The following ARHGAP18 variants were observed in gnomAD, a reference collection of about 807,000 sequenced individuals.
ARHGAP18 encodes Rho GTPase activating protein 18.
In ARHGAP18, 67 loss-of-function variants were observed where a neutral mutation model predicts 86.2. The observed-to-expected ratio is 0.78, with a 90% CI of 0.64 to 0.95. The LOEUF is 0.95. Ranked by LOEUF, ARHGAP18 falls within the 40% of genes least tolerant of loss-of-function variation. The probability of loss-of-function intolerance (pLI) is 0.00; values close to 1 mark genes in which losing one functional copy is unlikely to be tolerated. For synonymous variants in ARHGAP18, 283 were observed against 280.4 expected, an observed-to-expected ratio of 1.01 and a Z score of -0.09; for missense variants, 691 against 780.4, an observed-to-expected ratio of 0.89 and a Z score of 1.37.
At chr6:129,675,447 T>C (rs1358149238) in intron 1 of ARHGAP18, among the ~76,000 whole-genome samples, 1 of 151,322 alleles carries the variant, frequency 6.6e-6, no homozygotes, top group Non-Finnish European at 1.5e-5. Context: ...CTCACACTGA[T>C]GAGCTACATA....
chr6:129,634,237 G>T, intron 3 of ARHGAP18, 132 bp from the exon 4 acceptor site: 1 of 662,380 alleles, frequency 1.5e-6, no homozygotes, highest in South Asian at 2.6e-5. Context: ...CAGTGAAAAA[G>T]GGGCACTAAG....
intron 1 of ARHGAP18, among the ~76,000 whole-genome samples, chr6:129,686,982 T>C (rs1342467033): frequency 1.0e-4 from 7 of 67,606 alleles, no homozygotes; most frequent in African/African-American, 1.8e-4. Flanking sequence ...TTTTTTCTTT[T>C]TTTTTTTTTT....
chr6:129,640,986 T>C (rs4473880), intron 2 of ARHGAP18, among the ~76,000 whole-genome samples: 11,922 of 152,230 alleles, frequency 0.078, 498 homozygotes, highest in South Asian at 0.095. Flanking sequence ...TCAAATATTA[T>C]AGCAGAGAAT....
At chr6:129,625,333 A>ATTTATATATATTATATAT in intron 5 of ARHGAP18, among the ~76,000 whole-genome samples, 1 of 76,084 alleles carries the variant, frequency 1.3e-5, no homozygotes, top group African/African-American at 5.6e-5. Context: ...ATGATATATG[A>ATTTATATATATTATATAT]TATATATTTA....
At chr6:129,609,507 C>T (rs973689779) in intron 8 of ARHGAP18, among the ~76,000 whole-genome samples, 1 of 152,102 alleles carries the variant, frequency 6.6e-6, no homozygotes, top group Non-Finnish European at 1.5e-5. Context: ...CTAGTGAGGG[C>T]CCGAGTGCTT....
chr6:129,655,317 C>CAAAAAAAAA (rs55681217), intron 1 of ARHGAP18, among the ~76,000 whole-genome samples: 16 of 75,074 alleles, frequency 2.1e-4, no homozygotes, highest in East Asian at 3.6e-4. Context: ...AAAACTCTCT[C>CAAAAAAAAA]AAAAAAAAAA....
intron 1 of ARHGAP18, among the ~76,000 whole-genome samples, chr6:129,654,958 G>A (rs544654197): frequency 2.0e-5 from 3 of 152,266 alleles, no homozygotes; most frequent in Non-Finnish European, 2.9e-5. Flanking sequence ...AAAGAGAGGT[G>A]GAAGAAAGAA....
rs141648683 is a variant in ARHGAP18 at position 129,588,634 on chromosome 6, G to T, written c.1714-4522C>A. On this transcript the variant is annotated intron_variant, in intron 12 of 14. Transcript: ENST00000368149. ...AGCTGTCAGCAGATCTACCATCCTG[G>T]GGTCTGAAGGACAATGGCCCTCCTC... 2.9e-3 allele frequency among the ~76,000 whole-genome samples: 443 copies of T among 152,282 alleles called. 1 individual carries two copies. The highest frequency in any genetic ancestry group is 9.6e-3 in the African/African-American group (401 of 41,560).
intron 12 of ARHGAP18, among the ~76,000 whole-genome samples, chr6:129,585,669 A>G (rs1179902602): frequency 6.6e-6 from 1 of 152,212 alleles, no homozygotes; most frequent in Non-Finnish European, 1.5e-5. Context: ...GGGCCACAGA[A>G]CACATTACTC....
intron 10 of ARHGAP18, 72 bp downstream of exon 10, chr6:129,605,805 T>C: frequency 7.3e-7 from 1 of 1,369,988 alleles, no homozygotes; most frequent in East Asian, 2.3e-5. Context: ...CATCTTATTG[T>C]TTTGCCACAA....
At chr6:129,625,136 T>TATATG (rs1194611528) in intron 5 of ARHGAP18, among the ~76,000 whole-genome samples, 351 of 5,790 alleles carry the variant, frequency 0.061, 41 homozygotes, top group African/African-American at 0.25. Flanking sequence ...TTATATATGA[T>TATATG]ATATATTATA....
intron 12 of ARHGAP18, among the ~76,000 whole-genome samples, chr6:129,594,750 G>C (rs1788582523): frequency 6.6e-6 from 1 of 152,086 alleles, no homozygotes; most frequent in South Asian, 2.1e-4. Context: ...CATCCAACCA[G>C]TATCCACATG....
chr6:129,652,568 T>G (rs1189368475), intron 1 of ARHGAP18, among the ~76,000 whole-genome samples: 1 of 152,188 alleles, frequency 6.6e-6, no homozygotes, highest in African/African-American at 2.4e-5. Context: ...TTCTATTAGT[T>G]CAGAATCTCA....
chr6:129,621,322 C>A (rs73776330), intron 5 of ARHGAP18, among the ~76,000 whole-genome samples: 1 of 152,154 alleles, frequency 6.6e-6, no homozygotes, highest in Admixed American at 6.5e-5. Context: ...CAAAAGAGAG[C>A]CTTCAAGTCC....
Position 129,629,386 on chromosome 6 carries a change from G to T in ARHGAP18, c.753C>A (p.Ile251=), listed in dbSNP as rs142347893. The change falls in exon 5 of 15, where the codon ATC becomes ATA. Residue 251 remains isoleucine, a synonymous_variant. Coordinates refer to ENST00000368149, the MANE Select transcript of ARHGAP18 (RefSeq NM_033515.3). ...TGGCATCATCGCCTTTGCTCTTCTGGATTTTCTCCTTGGAGCTCTCTTTCT... is the reference window on the plus strand; with the variant it reads ...TGGCATCATCGCCTTTGCTCTTCTGTATTTTCTCCTTGGAGCTCTCTTTCT... The part of the protein sequence containing the change: ...LNQKESSKEK[I]QKSKGDDATL... 1.9e-6 allele frequency: 3 copies of T among 1,613,520 alleles called. No homozygotes were observed. In the African/African-American group the frequency reaches 4.0e-5, roughly 22 times the overall value.
intron 1 of ARHGAP18, among the ~76,000 whole-genome samples, chr6:129,685,935 C>G (rs1221180806): frequency 6.6e-6 from 1 of 152,122 alleles, no homozygotes; most frequent in Non-Finnish European, 1.5e-5. Flanking sequence ...CAACAACTTT[C>G]AAAATCAAAA....
intron 1 of ARHGAP18, among the ~76,000 whole-genome samples, chr6:129,666,355 G>A (rs1774036210): frequency 6.6e-6 from 1 of 152,236 alleles, no homozygotes; most frequent in Admixed American, 6.5e-5. Flanking sequence ...CACCACTAAT[G>A]CAATACAGTC....
At position 129,605,988 on chromosome 6, in the gene ARHGAP18, C is replaced by T. The variant is rs762214955; in HGVS notation, c.1283-29G>A. 4 of 1,595,896 alleles carry T rather than the reference C, an allele frequency of 2.5e-6. No homozygotes were observed. The Admixed American group carries it at 6.7e-5, about 27-fold the overall frequency. ...CAGACAAATTAAATAAATCTGAACT[C>T]TTTTCTTCAGTGAACATTTTCCTTT... On this transcript the variant is annotated intron_variant, in intron 9 of 14. Transcript: ENST00000368149.
At chr6:129,704,847 C>T (rs898679730) in intron 1 of ARHGAP18, among the ~76,000 whole-genome samples, 1 of 152,180 alleles carries the variant, frequency 6.6e-6, no homozygotes, top group Non-Finnish European at 1.5e-5. Context: ...AAACTCAAGT[C>T]CTCAAATGTT....
Sources: allele counts gnomAD v4.1 joint callset (sites outside exome capture counted in the v4.1 genomes callset), GRCh38; gene constraint gnomAD v4.1.1; transcripts MANE v1.5; gene names NCBI Gene and HGNC (gene_info 2026-07-23, HGNC 2026-07-21).